FAAP20: variants seen among roughly 807,000 people sequenced by gnomAD.
FAAP20 encodes Fanconi anemia core complex-associated protein 20.
Under a neutral mutation model 16.2 loss-of-function variants are expected in FAAP20, and 12 were observed. The observed-to-expected ratio is 0.74, with a 90% confidence interval of 0.48 to 1.20. FAAP20 has a LOEUF of 1.20. Among genes scored for constraint, FAAP20 ranks in the 50% most tolerant of loss-of-function variants. The probability of loss-of-function intolerance (pLI) is 0.00; values close to 1 mark genes in which losing one functional copy is unlikely to be tolerated. For missense variants in FAAP20, 288 were observed against 245.8 expected (o/e 1.17, Z -1.15); for synonymous variants, 141 against 110.7 (o/e 1.27, Z -1.72).
intron 3 of FAAP20, chr1:2,190,694 G>C: frequency 3.0e-6 from 1 of 328,000 alleles, no homozygotes; most frequent in Non-Finnish European, 6.1e-6. Flanking sequence ...CCTAGATCTT[G>C]CTGGAGGCCA....
rs117076045 is a variant in FAAP20, at chr1:2,205,628, C to G, written n.451+677G>C. Among the ~76,000 whole-genome samples, 268 of 152,302 alleles carry G rather than the reference C, an allele frequency of 1.8e-3. 2 individuals carry two copies. The highest frequency in any genetic ancestry group is 0.016 in the East Asian group (80 of 5,146). The stretch of plus-strand genomic sequence containing the variant: ...CGAGTTTCCAGCGTCGAGCCTGCTT[C>G]GTTTCAAGGTGGACGCCACATGCAA... On this transcript the variant is annotated intron_variant and non_coding_transcript_variant, in intron 3 of 7. Transcript: ENST00000469733.
downstream of FAAP20, among the ~76,000 whole-genome samples, chr1:2,209,634 T>C (rs1689382349): frequency 6.6e-6 from 1 of 152,220 alleles, no homozygotes; most frequent in African/African-American, 2.4e-5. Flanking sequence ...CGGGGACAGC[T>C]GGATCCTGAG....
chr1:2,197,916 C>T (rs1287468098), upstream of FAAP20: 9 of 1,215,540 alleles, frequency 7.4e-6, no homozygotes, highest in South Asian at 1.4e-5. Flanking sequence ...GACAGCTTCC[C>T]GACAGCTGCC....
intron 3 of FAAP20, chr1:2,190,451 G>C (rs772186695): frequency 2.3e-6 from 1 of 444,352 alleles, no homozygotes; most frequent in Non-Finnish European, 4.6e-6. Flanking sequence ...CAGTGGGGCC[G>C]GGAGGGGTGT....
At position 2,189,632 on chromosome 1, in the gene FAAP20, G is replaced by T. The variant is rs1687933470; in HGVS notation, c.*77C>A. On this transcript the variant is annotated 3_prime_UTR_variant, in exon 4 of 4. Transcript: ENST00000378546. ...GCCGAGAGGCGGGGCTGCTGGCGGG[G>T]GAGCCGAGAGGCGGGGCTGCTGGCG... 1.6e-6 allele frequency: 2 copies of T among 1,234,430 alleles called. No individual in the cohort carries two copies. The highest frequency in any genetic ancestry group is 2.4e-5 in the South Asian group (2 of 82,106). The allele number at this position is 1,234,430 out of a possible 1,614,324, so 76.5% of individuals were successfully genotyped here. A position where few individuals can be genotyped will look rare whatever the true frequency, so the allele number is the denominator to read the frequency against.
chr1:2,190,821 C>T (rs1217236544), intron 3 of FAAP20: 3 of 233,528 alleles, frequency 1.3e-5, no homozygotes, highest in African/African-American at 2.2e-5. Context: ...GTCAGCCACA[C>T]CGCCCCTCGC....
chr1:2,184,793 A>C, downstream of FAAP20: 1 of 1,401,622 alleles, frequency 7.1e-7, no homozygotes, highest in Admixed American at 2.0e-5. Flanking sequence ...CCTGCCCTTG[A>C]GTCCCACCCG....
At chr1:2,194,622 G>T in intron 1 of FAAP20, 66 bp downstream of exon 1, 1 of 930,520 alleles carries the variant, frequency 1.1e-6, no homozygotes, top group Non-Finnish European at 1.3e-6. Flanking sequence ...GGAGGCCCGC[G>T]GGGGCGCCGG....
At chr1:2,205,851 CG>C (rs1689239371) in intron 3 of FAAP20, among the ~76,000 whole-genome samples, 1 of 152,262 alleles carries the variant, frequency 6.6e-6, no homozygotes, top group Non-Finnish European at 1.5e-5. Context: ...GGAAGGGCAT[CG>C]GGAGACACGG....
At chr1:2,192,622 C>G (rs1175360089) in intron 3 of FAAP20, 1 of 1,163,424 alleles carries the variant, frequency 8.6e-7, no homozygotes, top group East Asian at 6.0e-5. Context: ...CAACAGTACC[C>G]TCTGTCCGTG....
chr1:2,196,867 A>C (rs1405304351), upstream of FAAP20, among the ~76,000 whole-genome samples: 1 of 151,668 alleles, frequency 6.6e-6, no homozygotes, highest in Non-Finnish European at 1.5e-5. The surrounding 1 kb of genome is among the most constrained non-coding windows in gnomAD (Gnocchi z 4.5). Context: ...AGAGGAGAAA[A>C]GCCCTTGGTG....
intron 3 of FAAP20, chr1:2,193,417 C>T: frequency 1.5e-6 from 1 of 684,454 alleles, no homozygotes; most frequent in Non-Finnish European, 2.3e-6. Flanking sequence ...TTCTGTGGGC[C>T]CCCAGCCTGC....
upstream of FAAP20, chr1:2,198,680 A>G (rs1688921103): frequency 1.6e-6 from 2 of 1,237,378 alleles, no homozygotes; most frequent in Admixed American, 2.5e-5. Context: ...TGCTGAAGGC[A>G]CTGGGCTGCC....
At chr1:2,190,236 T>C (rs1398325263) in intron 3 of FAAP20, 5 of 457,946 alleles carry the variant, frequency 1.1e-5, no homozygotes, top group African/African-American at 6.0e-5. Context: ...CGTCAGAGAA[T>C]TGGTGTTTCT....
chr1:2,193,239 A>G (rs536288431), intron 3 of FAAP20: 1 of 322,904 alleles, frequency 3.1e-6, no homozygotes, highest in East Asian at 7.4e-5. Flanking sequence ...GGTTTCAAAA[A>G]TAAGAAAAAG....
intron 3 of FAAP20, among the ~76,000 whole-genome samples, chr1:2,205,395 C>G (rs1207795775): frequency 2.0e-5 from 3 of 149,452 alleles, no homozygotes; most frequent in African/African-American, 7.4e-5. Flanking sequence ...GGCAGCCGTC[C>G]CCGTGAGCCC....
upstream of FAAP20, among the ~76,000 whole-genome samples, chr1:2,195,345 A>G (rs1292522069): frequency 6.6e-6 from 1 of 152,172 alleles, no homozygotes; most frequent in Non-Finnish European, 1.5e-5. Flanking sequence ...TGCGACCTCA[A>G]AGTCGGCCAC....
chr1:2,200,811 G>A (rs1689019397), upstream of FAAP20: 1 of 1,013,716 alleles, frequency 9.9e-7, no homozygotes, highest in Non-Finnish European at 1.2e-6. Flanking sequence ...AGAGCTGGAA[G>A]GGGGCCCTTG....
intron 3 of FAAP20, 104 bp downstream of exon 3, chr1:2,193,535 T>C: frequency 6.6e-7 from 1 of 1,506,894 alleles, no homozygotes; most frequent in Admixed American, 2.3e-5. Flanking sequence ...GAAACAGGGC[T>C]TTAAAAGCCA....
Sources: allele counts gnomAD v4.1 joint callset (sites outside exome capture counted in the v4.1 genomes callset), GRCh38; gene constraint gnomAD v4.1.1; non-coding constraint Gnocchi (gnomAD v3.1); transcripts MANE v1.5; gene names NCBI Gene and HGNC (gene_info 2026-07-23, HGNC 2026-07-21).